Variants in SH3BGR observed in about 807,000 individuals in gnomAD.
SH3BGR encodes the protein SH3 domain binding glutamate rich protein, also known as SH3 domain-binding glutamic acid-rich protein.
Under a neutral mutation model 24.5 loss-of-function variants are expected in SH3BGR, and 29 were observed. The ratio of observed to expected loss-of-function variants is 1.18; its 90% CI spans 0.88 to 1.61. The LOEUF (loss-of-function observed/expected upper bound fraction) is 1.61. SH3BGR is among the 40% of genes most tolerant of loss of function. The probability of loss-of-function intolerance (pLI) is 0.00; values close to 1 mark genes in which losing one functional copy is unlikely to be tolerated. For synonymous variants in SH3BGR, 55 were observed against 65.7 expected (o/e 0.84, Z 0.79); for missense variants, 162 against 205.8 (o/e 0.79, Z 1.30).
At chr21:39,508,198 A>G (rs979861611) in intron 4 of SH3BGR, among the ~76,000 whole-genome samples, 1 of 152,228 alleles carries the variant, frequency 6.6e-6, no homozygotes, top group South Asian at 2.1e-4. Flanking sequence ...ATTGTAAGGC[A>G]TTAGGAATTT....
At chr21:39,513,836 C>G (rs1400611843) in intron 6 of SH3BGR, among the ~76,000 whole-genome samples, 1 of 152,124 alleles carries the variant, frequency 6.6e-6, no homozygotes, top group African/African-American at 2.4e-5. Flanking sequence ...AAATCCATGT[C>G]TGTTCACTCA....
At chr21:39,491,380 C>G (rs912709008) in intron 3 of SH3BGR, among the ~76,000 whole-genome samples, 1 of 151,860 alleles carries the variant, frequency 6.6e-6, no homozygotes, top group Non-Finnish European at 1.5e-5. Context: ...GAACTCCTGA[C>G]CTCAAGTAAT....
chr21:39,492,539 G>A (rs1305465647), intron 3 of SH3BGR, among the ~76,000 whole-genome samples: 1 of 150,824 alleles, frequency 6.6e-6, no homozygotes, highest in Non-Finnish European at 1.5e-5. Flanking sequence ...TGGGCTTTTG[G>A]GTTGGTTCCA....
At chr21:39,486,308 A>G (rs2078212006) in intron 3 of SH3BGR, among the ~76,000 whole-genome samples, 3 of 152,246 alleles carry the variant, frequency 2.0e-5, no homozygotes, top group African/African-American at 7.2e-5. Flanking sequence ...AAACGAAACT[A>G]TAAAATCAAC....
intron 1 of SH3BGR, among the ~76,000 whole-genome samples, chr21:39,457,565 T>C (rs2077683286): frequency 6.7e-6 from 1 of 148,484 alleles, no homozygotes. Context: ...ATTATATAGT[T>C]ATATAATTTG....
intron 2 of SH3BGR, among the ~76,000 whole-genome samples, chr21:39,472,917 A>T (rs1735136): frequency 0.89 from 135,080 of 152,180 alleles, 59,966 homozygotes; most frequent in Middle Eastern, 0.89. Context: ...TCTCAGCATG[A>T]TCGGTGGCTT....
At chr21:39,500,710 C>A (rs1269297756) in intron 4 of SH3BGR, among the ~76,000 whole-genome samples, 1 of 152,028 alleles carries the variant, frequency 6.6e-6, no homozygotes, top group Non-Finnish European at 1.5e-5. Flanking sequence ...TTTTTCAAAC[C>A]CTGATGGTTT....
upstream of SH3BGR, among the ~76,000 whole-genome samples, chr21:39,450,575 A>G (rs2077562199): frequency 6.6e-6 from 1 of 152,146 alleles, no homozygotes; most frequent in Non-Finnish European, 1.5e-5. Flanking sequence ...CATGATGGGC[A>G]GCAGGGGATT....
At chr21:39,478,122 AG>A (rs2078058083) in intron 3 of SH3BGR, among the ~76,000 whole-genome samples, 1 of 152,238 alleles carries the variant, frequency 6.6e-6, no homozygotes, top group Non-Finnish European at 1.5e-5. Context: ...TTGCTATAAA[AG>A]ATTGTTTTCT....
At chr21:39,451,484 T>C (rs1466710902), upstream of SH3BGR, among the ~76,000 whole-genome samples, 1 of 152,192 alleles carries the variant, frequency 6.6e-6, no homozygotes, top group East Asian at 1.9e-4. Flanking sequence ...GGCATTTCTA[T>C]TGTATGACAG....
upstream of SH3BGR, among the ~76,000 whole-genome samples, chr21:39,448,480 A>G (rs1024495516): frequency 6.6e-6 from 1 of 152,184 alleles, no homozygotes; most frequent in Non-Finnish European, 1.5e-5. Flanking sequence ...TAATCAAATC[A>G]AAAAGTGATG....
At chr21:39,453,709 A>G (rs2077611096) in intron 1 of SH3BGR, among the ~76,000 whole-genome samples, 1 of 152,190 alleles carries the variant, frequency 6.6e-6, no homozygotes, top group African/African-American at 2.4e-5. Context: ...TGCCACTTGT[A>G]ACTGTATGAC....
At chr21:39,447,281 C>T (rs1288660755), upstream of SH3BGR, among the ~76,000 whole-genome samples, 1 of 152,016 alleles carries the variant, frequency 6.6e-6, no homozygotes, top group South Asian at 2.1e-4. Context: ...AACCCTGGAG[C>T]TCATGACTGG....
At chr21:39,490,434 G>A (rs549234303) in intron 3 of SH3BGR, among the ~76,000 whole-genome samples, 118 of 152,172 alleles carry the variant, frequency 7.8e-4, no homozygotes, top group Non-Finnish European at 1.4e-3. Flanking sequence ...GAATATCTCC[G>A]ACCATGATTG....
chr21:39,487,390 A>C (rs1312424999), intron 3 of SH3BGR, among the ~76,000 whole-genome samples: 1 of 151,850 alleles, frequency 6.6e-6, no homozygotes, highest in Non-Finnish European at 1.5e-5. Flanking sequence ...TGATCCTCCC[A>C]CCCCAGCCTC....
intron 1 of SH3BGR, among the ~76,000 whole-genome samples, chr21:39,459,509 C>T (rs141302583): frequency 0.024 from 3,624 of 152,152 alleles, 66 homozygotes; most frequent in Non-Finnish European, 0.038. Context: ...AGGCATGCAC[C>T]GCCATGCCTG....
intron 6 of SH3BGR, among the ~76,000 whole-genome samples, chr21:39,514,143 G>A (rs574491101): frequency 3.9e-5 from 6 of 152,248 alleles, no homozygotes; most frequent in East Asian, 3.9e-4. Flanking sequence ...ACTGACTCCC[G>A]AAGAGAGTCA....
chr21:39,477,679 A>G (rs1346367054), intron 3 of SH3BGR, among the ~76,000 whole-genome samples: 1 of 152,182 alleles, frequency 6.6e-6, no homozygotes, highest in African/African-American at 2.4e-5. Context: ...ACTGTGGTGG[A>G]CCAGCTTCAC....
chr21:39,514,061 CTAATAG>C (rs1449010263), intron 6 of SH3BGR, among the ~76,000 whole-genome samples: 1 of 152,152 alleles, frequency 6.6e-6, no homozygotes, highest in Non-Finnish European at 1.5e-5. Flanking sequence ...AATCCAGTCC[CTAATAG>C]TCTGTTGTGA....
Sources: allele counts gnomAD v4.1 joint callset (sites outside exome capture counted in the v4.1 genomes callset), GRCh38; gene constraint gnomAD v4.1.1; transcripts MANE v1.5; gene names NCBI Gene and HGNC (gene_info 2026-07-23, HGNC 2026-07-21).